Variants in PTPRM observed in about 807,000 individuals in gnomAD.
PTPRM encodes receptor-type tyrosine-protein phosphatase mu.
In PTPRM, 47 loss-of-function variants were observed where a neutral mutation model predicts 186.7. The observed-to-expected ratio is 0.25, with a 90% CI of 0.20 to 0.32. The LOEUF (loss-of-function observed/expected upper bound fraction) is 0.32. Among genes scored for constraint, PTPRM ranks in the 10% least tolerant of loss-of-function variants. PTPRM has a pLI of 1.00. For synonymous variants in PTPRM, 668 were observed against 674.9 expected (o/e 0.99, Z 0.16); for missense variants, 1,494 against 1,865.0 (o/e 0.80, Z 3.66).
chr18:8,121,528 G>A (rs2092172518), intron 13 of PTPRM, among the ~76,000 whole-genome samples: 1 of 152,136 alleles, frequency 6.6e-6, no homozygotes. Flanking sequence ...AGCCAGCCTG[G>A]TCTGCTTCAA....
At chr18:8,076,595 T>C in intron 9 of PTPRM, 31 bp downstream of exon 9, 1 of 1,110,230 alleles carries the variant, frequency 9.0e-7, no homozygotes, top group South Asian at 1.3e-5. Context: ...TAATTTTTAA[T>C]TAGAAATACT....
chr18:8,201,843 G>A (rs1210827061), intron 14 of PTPRM, among the ~76,000 whole-genome samples: 1 of 152,074 alleles, frequency 6.6e-6, no homozygotes, highest in Non-Finnish European at 1.5e-5. Flanking sequence ...TTTTGGAGGG[G>A]CACAATTCAG....
chr18:7,731,816 G>C (rs1568060632), intron 1 of PTPRM, among the ~76,000 whole-genome samples: 3 of 152,146 alleles, frequency 2.0e-5, no homozygotes, highest in Non-Finnish European at 4.4e-5. Flanking sequence ...GGGAAAGTAA[G>C]GGAAAGGAGA....
intron 2 of PTPRM, among the ~76,000 whole-genome samples, chr18:7,829,951 A>G (rs1219394966): frequency 2.6e-5 from 4 of 152,182 alleles, no homozygotes; most frequent in African/African-American, 9.7e-5. Flanking sequence ...AGTGGTAATT[A>G]CATTATTTAA....
rs749263983 is a variant in PTPRM, at chr18:8,143,738, C to G, written c.2259C>G (p.Phe753Leu). The G allele has an allele frequency of 6.2e-7, 1 of 1,613,936 alleles. No individual in the cohort carries two copies. Among genetic ancestry groups the G allele is most frequent in the South Asian group, 1.1e-5 (1 of 91,062 alleles). ...GAGTCATCGCGGGCATCTTGCTGTT[C>G]GTGATTATATTTCTTGGAGTTGTGT... ...IAGVIAGILL[F>L]VIIFLGVVLV... The change falls in exon 14 of 33, where the codon TTC becomes TTG. Residue 753 changes from phenylalanine (F) to leucine (L), a missense_variant. Around this residue, in one of 3 missense-constraint regions of PTPRM, gnomAD observed 1,107 missense variants for 1,350.2 expected, o/e 0.82. Transcript: ENST00000580170.
intron 1 of PTPRM, among the ~76,000 whole-genome samples, chr18:7,678,378 T>C (rs1390930921): frequency 6.6e-6 from 1 of 152,202 alleles, no homozygotes; most frequent in Non-Finnish European, 1.5e-5. Context: ...AAATACATGG[T>C]CACCCACTTA....
chr18:7,934,303 A>G (rs1216037005), intron 5 of PTPRM, among the ~76,000 whole-genome samples: 2 of 148,666 alleles, frequency 1.3e-5, no homozygotes, highest in Non-Finnish European at 3.0e-5. Flanking sequence ...CTGTTGGCCT[A>G]GAGATTGATA....
chr18:8,327,608 T>C (rs1372182445), intron 22 of PTPRM, among the ~76,000 whole-genome samples: 2 of 152,154 alleles, frequency 1.3e-5, no homozygotes, highest in African/African-American at 2.4e-5. Flanking sequence ...GACAGTAGAA[T>C]ATCTCAGCCA....
intron 14 of PTPRM, among the ~76,000 whole-genome samples, chr18:8,209,064 G>T (rs1312791496): frequency 6.6e-6 from 1 of 152,202 alleles, no homozygotes; most frequent in Non-Finnish European, 1.5e-5. Context: ...TGCTGTAAAA[G>T]GCTTCAGCTT....
chr18:7,863,130 G>T (rs2047480244), intron 2 of PTPRM, among the ~76,000 whole-genome samples: 1 of 152,142 alleles, frequency 6.6e-6, no homozygotes. Context: ...CTATGGGTTT[G>T]ACTTAATTGG....
In PTPRM at chr18:7,668,508, C is replaced by T. The variant is rs1247757911; in HGVS notation, c.73+100617C>T. Among the ~76,000 whole-genome samples, 2 of 152,190 alleles carry T rather than the reference C, an allele frequency of 1.3e-5. No homozygotes were observed. The highest frequency in any genetic ancestry group is 6.5e-5 in the Admixed American group (1 of 15,288). ...CAGAACATTAGGCAGGTGCTCCTTT[C>T]GAGACAGACACAAGGCAGAGTGAAT... On this transcript the variant is annotated intron_variant, in intron 1 of 32. Transcript: ENST00000580170. The surrounding 1 kb of genome is among the most constrained non-coding windows in gnomAD (Gnocchi z 4.7).
chr18:7,593,709 G>T (rs2037183185), intron 1 of PTPRM, among the ~76,000 whole-genome samples: 1 of 152,138 alleles, frequency 6.6e-6, no homozygotes, highest in African/African-American at 2.4e-5. Flanking sequence ...GAGGAAATGG[G>T]CATTGCAGGA....
At chr18:7,985,405 GTATA>G (rs372813904) in intron 7 of PTPRM, among the ~76,000 whole-genome samples, 1 of 127,092 alleles carries the variant, frequency 7.9e-6, no homozygotes, top group African/African-American at 3.0e-5. Context: ...TGGTATATAC[GTATA>G]TAAATATATA....
intron 1 of PTPRM, among the ~76,000 whole-genome samples, chr18:7,672,327 A>C (rs976276057): frequency 6.6e-6 from 1 of 152,232 alleles, no homozygotes; most frequent in African/African-American, 2.4e-5. Context: ...AATCAAGTTA[A>C]GATTTTTGGG....
At chr18:8,044,987 T>C (rs1473320963) in intron 7 of PTPRM, among the ~76,000 whole-genome samples, 1 of 152,134 alleles carries the variant, frequency 6.6e-6, no homozygotes, top group Admixed American at 6.5e-5. Flanking sequence ...TCTGACCCAG[T>C]AATTCTACTT....
intron 1 of PTPRM, among the ~76,000 whole-genome samples, chr18:7,635,819 G>A (rs1029381519): frequency 2.6e-5 from 4 of 152,156 alleles, no homozygotes; most frequent in Admixed American, 6.6e-5. Flanking sequence ...TTTTCCTTGC[G>A]GAGGCAGTTC....
At chr18:7,842,872 A>T (rs2046400637) in intron 2 of PTPRM, among the ~76,000 whole-genome samples, 1 of 107,016 alleles carries the variant, frequency 9.3e-6, no homozygotes, top group South Asian at 3.6e-4. Flanking sequence ...ATATATATAT[A>T]TATGTTTCTC....
intron 11 of PTPRM, among the ~76,000 whole-genome samples, chr18:8,093,617 G>C (rs988816909): frequency 1.5e-4 from 23 of 152,188 alleles, no homozygotes; most frequent in African/African-American, 5.5e-4. Flanking sequence ...TTCAGGAATT[G>C]ATCTTATAAA....
Position 8,387,082 on chromosome 18 carries a change from G to T in PTPRM, c.4055G>T (p.Gly1352Val), listed in dbSNP as rs1375161299. The change falls in exon 31 of 33, where the codon GGA becomes GTA. Residue 1352 changes from glycine to valine, a missense_variant. By Grantham distance (109) the Gly-to-Val change is moderately radical. Coordinates refer to ENST00000580170, the MANE Select transcript of PTPRM (RefSeq NM_001105244.2). ...CCTTGTTCTTCGTAGCCCCAAGATGGATATCGGATGGTGCAGCAATTCCAG... is the reference window on the plus strand; with the variant it reads ...CCTTGTTCTTCGTAGCCCCAAGATGTATATCGGATGGTGCAGCAATTCCAG... ...RIYNAARPQD[G>V]YRMVQQFQFL... The T allele has an allele frequency of 6.2e-7, 1 of 1,606,590 alleles. No homozygotes were observed. Among genetic ancestry groups the T allele is most frequent in the Admixed American group, 1.7e-5 (1 of 60,004 alleles).
Sources: gnomAD v4.1 joint callset for allele counts (sites outside exome capture counted in the v4.1 genomes callset) on GRCh38, gnomAD v4.1.1 for gene constraint, gnomAD v4.1.1 regional missense constraint, Gnocchi (gnomAD v3.1) non-coding constraint, MANE v1.5 for transcripts, NCBI Gene and HGNC (gene_info 2026-07-23, HGNC 2026-07-21) for gene names.